Variants in APBB2 observed in about 807,000 individuals in gnomAD.
The protein encoded by APBB2 is Fe65-like 1.
In APBB2, 38 loss-of-function variants were observed where a neutral mutation model predicts 82.5. The observed-to-expected ratio is 0.46, with a 90% confidence interval of 0.36 to 0.60. APBB2 has a LOEUF of 0.60. APBB2 is among the 20% of genes least tolerant of loss of function. The pLI, the probability that APBB2 is intolerant of heterozygous loss-of-function variation, is 0.00. For missense variants in APBB2, 772 were observed against 972.3 expected, an observed-to-expected ratio of 0.79 and a Z score of 2.74; for synonymous variants, 341 against 368.2, an observed-to-expected ratio of 0.93 and a Z score of 0.85.
At chr4:41,147,929 C>T (rs1233118445) in intron 1 of APBB2, among the ~76,000 whole-genome samples, 1 of 151,792 alleles carries the variant, frequency 6.6e-6, no homozygotes, top group Non-Finnish European at 1.5e-5. Context: ...ATTTTGGGAA[C>T]CATTGATTTA....
intron 1 of APBB2, among the ~76,000 whole-genome samples, chr4:41,153,503 T>G (rs1015371115): frequency 6.6e-6 from 1 of 152,210 alleles, no homozygotes; most frequent in South Asian, 2.1e-4. Flanking sequence ...TCCCCTACTA[T>G]CTCATCTGTA....
intron 6 of APBB2, among the ~76,000 whole-genome samples, chr4:40,954,126 T>C (rs1217838526): frequency 6.6e-6 from 1 of 152,152 alleles, no homozygotes; most frequent in Non-Finnish European, 1.5e-5. Context: ...AACCCACTTC[T>C]AATAACCCTC....
chr4:41,020,884 A>T (rs1312955771), intron 5 of APBB2, among the ~76,000 whole-genome samples: 1 of 152,164 alleles, frequency 6.6e-6, no homozygotes, highest in Non-Finnish European at 1.5e-5. Flanking sequence ...TTCTTAGGGG[A>T]AGAGTGTTGT....
At chr4:40,827,321 G>A in intron 13 of APBB2, 102 bp from the exon 14 acceptor site, 2 of 973,832 alleles carry the variant, frequency 2.1e-6, no homozygotes, top group South Asian at 2.9e-5. Flanking sequence ...TTCCAAGTTA[G>A]ATCAGCTTTA....
At chr4:40,921,000 G>C (rs191798529) in intron 10 of APBB2, among the ~76,000 whole-genome samples, 315 of 152,324 alleles carry the variant, frequency 2.1e-3, no homozygotes, top group African/African-American at 7.1e-3. Flanking sequence ...CTGCCATTTA[G>C]CAGTGGAACA....
At chr4:41,110,536 G>C (rs1560778437) in intron 2 of APBB2, among the ~76,000 whole-genome samples, 1 of 151,126 alleles carries the variant, frequency 6.6e-6, no homozygotes, top group Non-Finnish European at 1.5e-5. Context: ...CCGGGAGGCA[G>C]AGGTTGCAGT....
chr4:41,126,456 G>C (rs1461002146), intron 2 of APBB2, among the ~76,000 whole-genome samples: 1 of 152,172 alleles, frequency 6.6e-6, no homozygotes, highest in East Asian at 1.9e-4. Flanking sequence ...GACAACAGCA[G>C]TTACCTGGCG....
At chr4:40,926,709 C>G (rs1782697867) in intron 10 of APBB2, among the ~76,000 whole-genome samples, 2 of 152,182 alleles carry the variant, frequency 1.3e-5, no homozygotes, top group African/African-American at 4.8e-5. Flanking sequence ...ACGCCTGGCC[C>G]CAAAATGATC....
intron 3 of APBB2, among the ~76,000 whole-genome samples, chr4:41,094,632 T>A (rs1221454496): frequency 6.6e-6 from 1 of 152,234 alleles, no homozygotes; most frequent in Non-Finnish European, 1.5e-5. Flanking sequence ...TGGTGCGATC[T>A]TGGCTCACCA....
At position 41,041,104 on chromosome 4, in the gene APBB2, T is replaced by G. The variant is rs537327097; in HGVS notation, c.-50-7800A>C. ...ACCGTGTTAGCCAGGATGGTCTCGA[T>G]CTCCTGATCTTGTGATTCCCCCACC... On this transcript the variant is annotated intron_variant, in intron 4 of 17. Coordinates refer to ENST00000508593, the MANE Select transcript of APBB2 (RefSeq NM_004307.2). Among the ~76,000 whole-genome samples, 14 of 152,228 alleles carry G rather than the reference T, an allele frequency of 9.2e-5. No individual in the cohort carries two copies. In the South Asian group the frequency reaches 2.7e-3, roughly 29 times the overall value.
chr4:40,930,448 TGCGCGCGCGCGCGCGCGC>T (rs1174752964), intron 10 of APBB2, among the ~76,000 whole-genome samples: 156 of 66,550 alleles, frequency 2.3e-3, no homozygotes, highest in African/African-American at 5.8e-3. Flanking sequence ...TGTGTGTGTG[TGCGCGCGCGCGCGCGCGC>T]GTGCGCGTGC....
At chr4:41,053,955 C>T (rs1295160628) in intron 4 of APBB2, among the ~76,000 whole-genome samples, 2 of 152,170 alleles carry the variant, frequency 1.3e-5, no homozygotes, top group African/African-American at 4.8e-5. Context: ...GGAAAAGGCT[C>T]ATAACATCTG....
chr4:41,107,303 C>A (rs1747616062), intron 2 of APBB2, among the ~76,000 whole-genome samples: 1 of 151,738 alleles, frequency 6.6e-6, no homozygotes, highest in Non-Finnish European at 1.5e-5. Flanking sequence ...ACAGTGAGAC[C>A]CTTTCTCAAA....
At chr4:41,007,193 C>A (rs1806993121) in intron 6 of APBB2, among the ~76,000 whole-genome samples, 2 of 151,968 alleles carry the variant, frequency 1.3e-5, no homozygotes, top group Non-Finnish European at 2.9e-5. Context: ...CTGGGCAGGG[C>A]TCCCACAGTA....
chr4:41,050,429 T>C (rs1161358065), intron 4 of APBB2, among the ~76,000 whole-genome samples: 2 of 152,222 alleles, frequency 1.3e-5, no homozygotes, highest in Non-Finnish European at 2.9e-5. Flanking sequence ...GACATTCTGC[T>C]GGTGACTGAA....
intron 5 of APBB2, among the ~76,000 whole-genome samples, chr4:41,017,438 G>A (rs947785270): frequency 1.3e-5 from 2 of 152,138 alleles, no homozygotes; most frequent in African/African-American, 4.8e-5. Flanking sequence ...AAGGCTACAA[G>A]AAAGCAGCCC....
intron 4 of APBB2, among the ~76,000 whole-genome samples, chr4:41,048,719 C>T (rs1002854155): frequency 6.7e-6 from 1 of 148,832 alleles, no homozygotes; most frequent in African/African-American, 2.5e-5. Context: ...CCCTCTGATG[C>T]CGAGCGGAAG....
intron 12 of APBB2, among the ~76,000 whole-genome samples, chr4:40,860,016 C>A (rs981404918): frequency 6.6e-6 from 1 of 152,214 alleles, no homozygotes; most frequent in Admixed American, 6.5e-5. Flanking sequence ...GCTTTTCCTT[C>A]GTACTCCTGC....
chr4:41,018,614 T>C (rs954620977), intron 5 of APBB2, among the ~76,000 whole-genome samples: 3 of 152,200 alleles, frequency 2.0e-5, no homozygotes, highest in Non-Finnish European at 4.4e-5. Flanking sequence ...TCTGTGTATA[T>C]GTTGAGCCTT....
Sources: gnomAD v4.1 joint callset for allele counts (sites outside exome capture counted in the v4.1 genomes callset) on GRCh38, gnomAD v4.1.1 for gene constraint, MANE v1.5 for transcripts, NCBI Gene and HGNC (gene_info 2026-07-23, HGNC 2026-07-21) for gene names.